Variants in XCR1 observed in about 807,000 individuals in gnomAD.
The protein encoded by XCR1 is X-C motif chemokine receptor 1.
For synonymous variants in XCR1, 187 were observed against 188.5 expected, an observed-to-expected ratio of 0.99 and a Z score of 0.06; for missense variants, 356 against 424.2, an observed-to-expected ratio of 0.84 and a Z score of 1.41.
intron 2 of XCR1, among the ~76,000 whole-genome samples, chr3:46,076,145 G>T (rs1698256670): frequency 6.6e-6 from 1 of 152,172 alleles, no homozygotes; most frequent in Admixed American, 6.5e-5. Flanking sequence ...TCCATGAGCA[G>T]CTAAGATTAA....
chr3:46,044,362 T>G (rs116772011), intron 5 of XCR1, among the ~76,000 whole-genome samples: 1,960 of 152,284 alleles, frequency 0.013, 51 homozygotes, highest in African/African-American at 0.043. Context: ...TGTTAGCTAT[T>G]TGTATAATAT....
At chr3:46,061,763 A>G (rs1697967337) in intron 4 of XCR1, among the ~76,000 whole-genome samples, 1 of 152,120 alleles carries the variant, frequency 6.6e-6, no homozygotes, top group African/African-American at 2.4e-5. Flanking sequence ...TGATGCCAGA[A>G]GGAGTCATGG....
chr3:46,062,899 G>A (rs1238564399), intron 4 of XCR1, among the ~76,000 whole-genome samples: 2 of 152,222 alleles, frequency 1.3e-5, no homozygotes, highest in African/African-American at 4.8e-5. Context: ...AAGTATGCAG[G>A]AGCTGGCTCA....
At chr3:46,081,263 C>T (rs1388655480) in intron 1 of XCR1, among the ~76,000 whole-genome samples, 2 of 152,166 alleles carry the variant, frequency 1.3e-5, no homozygotes, top group Non-Finnish European at 2.9e-5. Flanking sequence ...AACTCAATGG[C>T]CAAACTAATT....
intron 1 of XCR1, chr3:46,023,279 TA>T: frequency 1.3e-6 from 1 of 749,322 alleles, no homozygotes; most frequent in Non-Finnish European, 2.3e-6. Flanking sequence ...CTCCCCTTCC[TA>T]AGGCTGCTGC....
intron 4 of XCR1, among the ~76,000 whole-genome samples, chr3:46,065,106 A>AT (rs1477327277): frequency 2.0e-5 from 3 of 152,114 alleles, no homozygotes; most frequent in South Asian, 2.1e-4. Flanking sequence ...AAATAAAGAA[A>AT]TAAAAAAAAA....
intron 5 of XCR1, among the ~76,000 whole-genome samples, chr3:46,035,968 G>T (rs1417854473): frequency 2.0e-5 from 3 of 152,148 alleles, no homozygotes; most frequent in African/African-American, 7.2e-5. Flanking sequence ...AACCAGTGGA[G>T]AGAGGAAGGA....
chr3:46,053,048 T>A (rs4321566), intron 5 of XCR1, among the ~76,000 whole-genome samples: 1 of 152,072 alleles, frequency 6.6e-6, no homozygotes, highest in Non-Finnish European at 1.5e-5. Context: ...TCCAGCAGCA[T>A]GGTTCTATCC....
chr3:46,048,866 CT>C (rs1697685389), intron 5 of XCR1, among the ~76,000 whole-genome samples: 1 of 152,140 alleles, frequency 6.6e-6, no homozygotes, highest in African/African-American at 2.4e-5. Flanking sequence ...CACTTTTTGT[CT>C]TTTCAACATG....
intron 5 of XCR1, among the ~76,000 whole-genome samples, chr3:46,035,627 A>G (rs1697416111): frequency 1.3e-5 from 2 of 152,142 alleles, no homozygotes; most frequent in Non-Finnish European, 2.9e-5. Flanking sequence ...GCTGGTCTCA[A>G]CTGTGTTCCT....
At chr3:46,041,023 AT>A (rs1229411641) in intron 5 of XCR1, among the ~76,000 whole-genome samples, 2 of 151,796 alleles carry the variant, frequency 1.3e-5, no homozygotes, top group Non-Finnish European at 2.9e-5. Flanking sequence ...AGTCTGCAGA[AT>A]TTTTTTCTTT....
At chr3:46,022,237 C>T (rs1229203627) in intron 1 of XCR1, 4 of 333,382 alleles carry the variant, frequency 1.2e-5, no homozygotes, top group South Asian at 5.6e-5. Context: ...CCCAGGAGGG[C>T]GAGACTGCAG....
chr3:46,050,363 G>A lies in XCR1; in HGVS notation c.-32+3557C>T, dbSNP rs374589324. 3.0e-4 allele frequency among the ~76,000 whole-genome samples: 45 copies of A among 152,180 alleles called. 5 individuals carry two copies. The highest frequency in any genetic ancestry group is 2.2e-3 in the Admixed American group (33 of 15,280). On this transcript the variant is annotated intron_variant, in intron 5 of 5. Coordinates refer to the XCR1 transcript ENST00000683768. ...TCCTAATTGTTGAAAATCATTTAAA[G>A]TCTGTAACCTGTCTTTACAGAGAAC...
chr3:46,074,337 A>AT (rs1698217499), intron 3 of XCR1, among the ~76,000 whole-genome samples: 1 of 149,152 alleles, frequency 6.7e-6, no homozygotes, highest in South Asian at 2.1e-4. Context: ...GATAGAGGTC[A>AT]TTATCTTAAG....
In XCR1 at chr3:46,018,130, G is replaced by A. The variant is rs1708077201; in HGVS notation, c.*2816C>T. 1 of 152,124 alleles carries A rather than the reference G, an allele frequency of 6.6e-6. No individual in the cohort carries two copies. Among genetic ancestry groups the A allele is most frequent in the African/African-American group, 2.4e-5 (1 of 41,400 alleles). The allele number at this position is 152,124 out of a possible 1,614,324, so 9.4% of individuals were successfully genotyped here. On this transcript the variant is annotated 3_prime_UTR_variant, in exon 2 of 2. Coordinates refer to ENST00000309285, the MANE Select transcript of XCR1 (RefSeq NM_001024644.2). ...ACTGCCTTGGGAGCCAGTCTATTAG[G>A]GATGCCAAAACATCACTGGAAGTAT...
rs145532292 is a variant in XCR1, at chr3:46,018,129, G to C, written c.*2817C>G. On this transcript the variant is annotated 3_prime_UTR_variant, in exon 2 of 2. Coordinates refer to ENST00000309285, the MANE Select transcript of XCR1 (RefSeq NM_001024644.2). Reference sequence around the variant, plus strand: ...GACTGCCTTGGGAGCCAGTCTATTAGGGATGCCAAAACATCACTGGAAGTA... The same window carrying C: ...GACTGCCTTGGGAGCCAGTCTATTACGGATGCCAAAACATCACTGGAAGTA... 8.3e-4 allele frequency: 127 copies of C among 152,290 alleles called. No individual in the cohort carries two copies. The highest frequency in any genetic ancestry group is 3.0e-3 in the African/African-American group (125 of 41,556). The allele number at this position is 152,290 out of a possible 1,614,324, so 9.4% of individuals were successfully genotyped here.
chr3:46,053,543 T>C (rs1275354079), intron 5 of XCR1, among the ~76,000 whole-genome samples: 1 of 152,206 alleles, frequency 6.6e-6, no homozygotes, highest in Non-Finnish European at 1.5e-5. Context: ...AGATTCAGCC[T>C]GCTGTCCCGC....
At chr3:46,058,573 G>T in intron 4 of XCR1, among the ~76,000 whole-genome samples, 1 of 152,128 alleles carries the variant, frequency 6.6e-6, no homozygotes, top group East Asian at 1.9e-4. Flanking sequence ...TTTTAGACAA[G>T]GTCTTACTCT....
At chr3:46,065,487 G>A (rs1698051764) in intron 4 of XCR1, among the ~76,000 whole-genome samples, 1 of 152,146 alleles carries the variant, frequency 6.6e-6, no homozygotes, top group African/African-American at 2.4e-5. Context: ...AGCTGTTCTG[G>A]GCCACCTGCC....
Sources: gnomAD v4.1 joint callset for allele counts (sites outside exome capture counted in the v4.1 genomes callset) on GRCh38, gnomAD v4.1.1 for gene constraint, MANE v1.5 for transcripts, NCBI Gene and HGNC (gene_info 2026-07-23, HGNC 2026-07-21) for gene names.